Variants in MSRB3 observed in about 807,000 individuals in gnomAD.
The protein encoded by MSRB3 is methionine sulfoxide reductase B3.
MSRB3 carries 13 observed loss-of-function variants against 21.0 expected under a neutral mutation model. The ratio of observed to expected loss-of-function variants is 0.62; its 90% CI spans 0.40 to 0.98. The LOEUF is 0.98. Among genes scored for constraint, MSRB3 ranks in the 50% least tolerant of loss-of-function variants. The pLI is 0.00. For synonymous variants in MSRB3, 87 were observed against 88.6 expected, an observed-to-expected ratio of 0.98 and a Z score of 0.10; for missense variants, 199 against 230.3, an observed-to-expected ratio of 0.86 and a Z score of 0.88.
chr12:65,322,666 A>G (rs1164347830), intron 2 of MSRB3, among the ~76,000 whole-genome samples: 2 of 150,798 alleles, frequency 1.3e-5, no homozygotes, highest in African/African-American at 4.9e-5. Flanking sequence ...ATCTCAAAAA[A>G]AAAAAAAAAA....
At chr12:65,407,868 A>G (rs1239175191) in intron 5 of MSRB3, among the ~76,000 whole-genome samples, 1 of 151,898 alleles carries the variant, frequency 6.6e-6, no homozygotes, top group Non-Finnish European at 1.5e-5. Flanking sequence ...CATTTTTGCC[A>G]TAGTGCTTTT....
At chr12:65,361,664 A>G (rs1405967279) in intron 4 of MSRB3, among the ~76,000 whole-genome samples, 1 of 152,148 alleles carries the variant, frequency 6.6e-6, no homozygotes, top group Non-Finnish European at 1.5e-5. Flanking sequence ...CCTTCTTGAT[A>G]TTGGCAAATC....
At chr12:65,433,406 T>TA (rs967420631) in intron 5 of MSRB3, among the ~76,000 whole-genome samples, 6 of 151,778 alleles carry the variant, frequency 4.0e-5, no homozygotes, top group African/African-American at 1.4e-4. Flanking sequence ...CTCTTAGAAT[T>TA]AAAAAAAAAT....
At chr12:65,427,552 T>C (rs112165743) in intron 5 of MSRB3, among the ~76,000 whole-genome samples, 1 of 152,108 alleles carries the variant, frequency 6.6e-6, no homozygotes, top group African/African-American at 2.4e-5. Flanking sequence ...CACTCGCAGT[T>C]TGGTGTGGCA....
chr12:65,319,014 T>G (rs974972298), intron 2 of MSRB3, among the ~76,000 whole-genome samples: 1 of 152,174 alleles, frequency 6.6e-6, no homozygotes, highest in Admixed American at 6.6e-5. Flanking sequence ...TAAACTTCTA[T>G]TGTTTCCCAA....
At chr12:65,408,627 T>C (rs1347880437) in intron 5 of MSRB3, among the ~76,000 whole-genome samples, 1 of 152,104 alleles carries the variant, frequency 6.6e-6, no homozygotes, top group Admixed American at 6.6e-5. Flanking sequence ...GGGAGTGCAT[T>C]CTATAGACCC....
At chr12:65,388,161 G>A (rs1229270700) in intron 5 of MSRB3, among the ~76,000 whole-genome samples, 1 of 152,186 alleles carries the variant, frequency 6.6e-6, no homozygotes, top group Non-Finnish European at 1.5e-5. Flanking sequence ...TTTTAAGACT[G>A]ACAATACATT....
intron 5 of MSRB3, among the ~76,000 whole-genome samples, chr12:65,445,833 A>G (rs1882591393): frequency 6.6e-6 from 1 of 151,738 alleles, no homozygotes; most frequent in Admixed American, 6.6e-5. Flanking sequence ...TTTAGTAAAG[A>G]TGGGTTTCAC....
chr12:65,343,277 C>T (rs1876262341), intron 4 of MSRB3, among the ~76,000 whole-genome samples: 1 of 152,042 alleles, frequency 6.6e-6, no homozygotes, highest in South Asian at 2.1e-4. Flanking sequence ...GTTGTTGCTG[C>T]TTCTTTCCTT....
At chr12:65,306,518 A>G (rs1247314410) in intron 1 of MSRB3, among the ~76,000 whole-genome samples, 1 of 152,246 alleles carries the variant, frequency 6.6e-6, no homozygotes, top group Non-Finnish European at 1.5e-5. Flanking sequence ...TTCGGATAAT[A>G]TCAAATCCTA....
At chr12:65,412,069 A>G (rs956126528) in intron 5 of MSRB3, among the ~76,000 whole-genome samples, 2 of 152,100 alleles carry the variant, frequency 1.3e-5, no homozygotes, top group African/African-American at 2.4e-5. Context: ...TCCTATGACT[A>G]TAGTCATGTT....
chr12:65,297,237 G>A (rs1341108753), intron 1 of MSRB3, among the ~76,000 whole-genome samples: 1 of 152,086 alleles, frequency 6.6e-6, no homozygotes, highest in East Asian at 1.9e-4. Flanking sequence ...GGTGAGGGGA[G>A]GGAGAGCATT....
intron 1 of MSRB3, among the ~76,000 whole-genome samples, chr12:65,295,001 A>C (rs570485756): frequency 6.6e-6 from 1 of 151,886 alleles, no homozygotes; most frequent in African/African-American, 2.4e-5. Flanking sequence ...TTACTTTTTT[A>C]AAAAAATTAT....
chr12:65,453,948 TGA>T, intron 6 of MSRB3, 123 bp downstream of exon 6: 1 of 775,930 alleles, frequency 1.3e-6, no homozygotes, highest in Non-Finnish European at 2.3e-6. Context: ...GAAGTTTATA[TGA>T]AGTCCGATGG....
At chr12:65,418,853 TG>T in intron 5 of MSRB3, 1 of 793,248 alleles carries the variant, frequency 1.3e-6, no homozygotes, top group Non-Finnish European at 2.2e-6. Context: ...CTGAAGTCCT[TG>T]ATGTCTTCTG....
intron 4 of MSRB3, among the ~76,000 whole-genome samples, chr12:65,346,086 T>C (rs1221150065): frequency 6.6e-6 from 1 of 152,170 alleles, no homozygotes; most frequent in Non-Finnish European, 1.5e-5. Context: ...TTATAATCCT[T>C]TGGGTATATA....
chr12:65,324,619 A>C (rs1427174008), intron 2 of MSRB3, among the ~76,000 whole-genome samples: 1 of 152,204 alleles, frequency 6.6e-6, no homozygotes, highest in Non-Finnish European at 1.5e-5. Flanking sequence ...CAACGGTTTT[A>C]TTCTCTTCGG....
intron 5 of MSRB3, among the ~76,000 whole-genome samples, chr12:65,450,098 G>T (rs1882790782): frequency 6.8e-6 from 1 of 146,084 alleles, no homozygotes; most frequent in Non-Finnish European, 1.5e-5. Flanking sequence ...GAGGGGGAAT[G>T]ATTATTTATG....
intron 4 of MSRB3, among the ~76,000 whole-genome samples, chr12:65,339,476 A>C (rs1688676076): frequency 6.6e-6 from 1 of 152,246 alleles, no homozygotes; most frequent in Non-Finnish European, 1.5e-5. Flanking sequence ...TGGTGCAGAT[A>C]CTTCCACTGT....
Sources: allele counts gnomAD v4.1 joint callset (sites outside exome capture counted in the v4.1 genomes callset), GRCh38; gene constraint gnomAD v4.1.1; transcripts MANE v1.5; gene names NCBI Gene and HGNC (gene_info 2026-07-23, HGNC 2026-07-21).